Variants in EFHC1 observed in about 807,000 individuals in gnomAD.
EFHC1 encodes the protein EF-hand domain containing 1, also known as EF-hand domain-containing protein 1.
In EFHC1, 53 loss-of-function variants were observed where a neutral mutation model predicts 69.9. The observed-to-expected ratio is 0.76, with a 90% CI of 0.61 to 0.95. The LOEUF (loss-of-function observed/expected upper bound fraction) is 0.95, where lower values mean the gene tolerates loss of function less well. EFHC1 is among the 40% of genes least tolerant of loss of function. EFHC1 has a pLI of 0.00. For missense variants in EFHC1, 739 were observed against 798.7 expected, an observed-to-expected ratio of 0.93 and a Z score of 0.90; for synonymous variants, 256 against 278.4, an observed-to-expected ratio of 0.92 and a Z score of 0.80.
intron 3 of EFHC1, among the ~76,000 whole-genome samples, chr6:52,438,819 C>G (rs1764595505): frequency 6.6e-6 from 1 of 152,168 alleles, no homozygotes; most frequent in Non-Finnish European, 1.5e-5. Context: ...AAATCAAACT[C>G]TCATCATAGC....
At position 52,465,039 on chromosome 6, in the gene EFHC1, A is replaced by G. The variant is rs533695444; in HGVS notation, c.1061A>G (p.Tyr354Cys). 6.2e-7 allele frequency: 1 copy of G among 1,614,174 alleles called. No individual in the cohort carries two copies. The highest frequency in any genetic ancestry group is 2.2e-5 in the East Asian group (1 of 44,874). ...IYDCDPFTRR[Y>C]YKEKFGITDL... ...GATTGTGATCCATTTACTCGACGGT[A>G]TTACAAAGAGAAGTTTGGAATCACT... The change falls in exon 6 of 11, where the codon TAT becomes TGT. Residue 354 changes from tyrosine to cysteine, a missense_variant. Transcript: ENST00000371068.
intron 7 of EFHC1, among the ~76,000 whole-genome samples, chr6:52,477,496 ACT>A (rs1765568860): frequency 6.6e-6 from 1 of 152,136 alleles, no homozygotes; most frequent in Admixed American, 6.5e-5. Flanking sequence ...TTGTGTGATC[ACT>A]CTGCAATTTG....
chr6:52,490,120 TTTCC>T lies in EFHC1; in HGVS notation c.1641-13_1641-10del, dbSNP rs746110131. The T allele has an allele frequency of 4.3e-6, 7 of 1,610,528 alleles. No individual in the cohort carries two copies. The highest frequency in any genetic ancestry group is 3.3e-5 in the Admixed American group (2 of 59,970). On this transcript the variant is annotated splice_polypyrimidine_tract_variant and intron_variant, in intron 9 of 10. Coordinates refer to ENST00000371068, the MANE Select transcript of EFHC1 (RefSeq NM_018100.4). ...CAAGAATAAATACCATGTGCAGTCA[TTTCC>T]TTCCTTTCTCTACAGCAAGCAAACT... is the stretch of plus-strand genomic sequence containing the variant.
At position 52,464,888 on chromosome 6, in the gene EFHC1, A is replaced by G. The variant is rs1266698847; in HGVS notation, c.917-7A>G. ...CTTTTTTTCTCTCTAACACCATCTT[A>G]TATTAGAGAACTTCCCTCAGTGTGT... On this transcript the variant is annotated splice_region_variant and splice_polypyrimidine_tract_variant and intron_variant, in intron 5 of 10. Transcript: ENST00000371068. 6.2e-7 allele frequency: 1 copy of G among 1,609,640 alleles called. No individual in the cohort carries two copies. Among genetic ancestry groups the G allele is most frequent in the Non-Finnish European group, 8.5e-7 (1 of 1,175,958 alleles).
At chr6:52,459,775 C>G (rs1476803799) in intron 5 of EFHC1, among the ~76,000 whole-genome samples, 2 of 152,126 alleles carry the variant, frequency 1.3e-5, no homozygotes, top group African/African-American at 4.8e-5. Flanking sequence ...CCCAGGTTCA[C>G]ACCATTCTCC....
chr6:52,420,481 G>C lies in EFHC1; in HGVS notation c.63+8G>C, dbSNP rs777313577. On this transcript the variant is annotated splice_region_variant and intron_variant, in intron 1 of 10. Coordinates refer to ENST00000371068, the MANE Select transcript of EFHC1 (RefSeq NM_018100.4). ...TCCTTTAAGGACTCTACGGTGAGCA[G>C]TTATCTGCCAGACTCCCACCTGTCC... The C allele has an allele frequency of 6.2e-7, 1 of 1,614,062 alleles. No homozygotes were observed. The highest frequency in any genetic ancestry group is 8.5e-7 in the Non-Finnish European group (1 of 1,180,030).
intron 9 of EFHC1, among the ~76,000 whole-genome samples, chr6:52,480,418 A>G (rs1034790291): frequency 2.0e-5 from 3 of 152,186 alleles, no homozygotes; most frequent in African/African-American, 7.2e-5. Flanking sequence ...TTAAATGCCT[A>G]TTATGTGTCA....
chr6:52,467,919 G>C (rs1317452423), intron 6 of EFHC1, among the ~76,000 whole-genome samples: 2 of 152,172 alleles, frequency 1.3e-5, no homozygotes, highest in Non-Finnish European at 2.9e-5. Context: ...ACCAGGGATA[G>C]GAATTTGTAG....
At chr6:52,453,481 G>A in intron 4 of EFHC1, 3 of 1,287,058 alleles carry the variant, frequency 2.3e-6, no homozygotes, top group Non-Finnish European at 2.0e-6. Context: ...CTTTTCTTTA[G>A]ACATTTAACC....
At chr6:52,428,793 G>T (rs151081007) in intron 2 of EFHC1, among the ~76,000 whole-genome samples, 140 of 152,242 alleles carry the variant, frequency 9.2e-4, no homozygotes, top group African/African-American at 3.2e-3. Flanking sequence ...CTTCCATAGT[G>T]GTTGTACTAG....
chr6:52,491,442 C>T (rs560747349), intron 10 of EFHC1, among the ~76,000 whole-genome samples: 2 of 152,316 alleles, frequency 1.3e-5, no homozygotes, highest in East Asian at 1.9e-4. Context: ...CAGACCCTTC[C>T]GTTAGGCTGT....
chr6:52,451,235 TGGTC>T (rs1764910508), intron 3 of EFHC1, among the ~76,000 whole-genome samples: 1 of 152,250 alleles, frequency 6.6e-6, no homozygotes, highest in Non-Finnish European at 1.5e-5. Context: ...ATAGTGTCAC[TGGTC>T]TGTGTACTTG....
Position 52,492,359 on chromosome 6 carries a change from G to T in EFHC1, c.*18G>T. On this transcript the variant is annotated 3_prime_UTR_variant, in exon 11 of 11. Transcript: ENST00000371068. ...CAAACTGACCTGCTGATGAGAAAAT[G>T]CAAGACAATTTTTGATACTGGAACT... 6.2e-7 allele frequency: 1 copy of T among 1,611,512 alleles called. No homozygotes were observed. Among genetic ancestry groups the T allele is most frequent in the Non-Finnish European group, 8.5e-7 (1 of 1,177,988 alleles).
intron 2 of EFHC1, among the ~76,000 whole-genome samples, chr6:52,428,445 GT>G (rs1324587672): frequency 6.6e-6 from 1 of 152,058 alleles, no homozygotes; most frequent in Non-Finnish European, 1.5e-5. Context: ...ACAATGTTTG[GT>G]TTTCTATTCC....
At chr6:52,422,058 G>T (rs953935943) in intron 1 of EFHC1, among the ~76,000 whole-genome samples, 1 of 152,132 alleles carries the variant, frequency 6.6e-6, no homozygotes, top group Non-Finnish European at 1.5e-5. Flanking sequence ...CAGCAGTGAA[G>T]GACTGAATAT....
intron 7 of EFHC1, among the ~76,000 whole-genome samples, chr6:52,470,473 T>C (rs1219088220): frequency 6.6e-6 from 1 of 152,218 alleles, no homozygotes; most frequent in African/African-American, 2.4e-5. Flanking sequence ...TTGTAGGTAC[T>C]CAGTAACTGT....
intron 4 of EFHC1, chr6:52,453,860 G>T (rs1764976365): frequency 7.4e-7 from 1 of 1,356,544 alleles, no homozygotes; most frequent in Non-Finnish European, 9.7e-7. Context: ...TTCTTTTTTG[G>T]CACAAACTTA....
chr6:52,484,417 T>A (rs1481114341), intron 9 of EFHC1: 1 of 152,172 alleles, frequency 6.6e-6, no homozygotes, highest in Non-Finnish European at 1.5e-5. Flanking sequence ...TTGTGAAAAA[T>A]CAGTTTTTAC....
At chr6:52,422,995 A>G (rs899699543) in intron 1 of EFHC1, among the ~76,000 whole-genome samples, 2 of 152,198 alleles carry the variant, frequency 1.3e-5, no homozygotes, top group Non-Finnish European at 2.9e-5. Flanking sequence ...TCATTTACTC[A>G]TGTCTTCATA....
Sources: allele counts gnomAD v4.1 joint callset (sites outside exome capture counted in the v4.1 genomes callset), GRCh38; gene constraint gnomAD v4.1.1; transcripts MANE v1.5; gene names NCBI Gene and HGNC (gene_info 2026-07-23, HGNC 2026-07-21).